The following SFMBT2 variants were observed in gnomAD, a reference collection of about 807,000 sequenced individuals.
SFMBT2 encodes Scm like with four mbt domains 2.
In SFMBT2, 38 loss-of-function variants were observed where a neutral mutation model predicts 110.1. The ratio of observed to expected loss-of-function variants is 0.35; its 90% CI spans 0.27 to 0.45. The LOEUF (loss-of-function observed/expected upper bound fraction) is 0.45. Among genes scored for constraint, SFMBT2 ranks in the 20% least tolerant of loss-of-function variants. The pLI, the probability that SFMBT2 is intolerant of heterozygous loss-of-function variation, is 1.00. For synonymous variants in SFMBT2, 425 were observed against 425.4 expected (o/e 1.00, Z 0.01); for missense variants, 1,011 against 1,094.9 (o/e 0.92, Z 1.08).
intron 1 of SFMBT2, among the ~76,000 whole-genome samples, chr10:7,395,277 T>C (rs1203820245): frequency 6.6e-6 from 1 of 151,936 alleles, no homozygotes; most frequent in African/African-American, 2.4e-5. Context: ...AGATTCCACC[T>C]TGGAGGAAAA....
At chr10:7,394,470 C>T (rs1242167098) in intron 1 of SFMBT2, among the ~76,000 whole-genome samples, 1 of 151,640 alleles carries the variant, frequency 6.6e-6, no homozygotes, top group East Asian at 1.9e-4. Context: ...TCTTCCATAT[C>T]TGTCATTATT....
At chr10:7,310,771 C>T (rs190170222) in intron 4 of SFMBT2, among the ~76,000 whole-genome samples, 5 of 152,148 alleles carry the variant, frequency 3.3e-5, no homozygotes, top group East Asian at 1.9e-4. Context: ...CAGGGCTAGA[C>T]GCGGTGGCTC....
intron 4 of SFMBT2, among the ~76,000 whole-genome samples, chr10:7,364,386 T>C (rs910603446): frequency 6.6e-6 from 1 of 152,240 alleles, no homozygotes; most frequent in African/African-American, 2.4e-5. Context: ...AGTGTGACTG[T>C]GGCAAAGTCA....
intron 7 of SFMBT2, among the ~76,000 whole-genome samples, chr10:7,256,280 A>G (rs1753825554): frequency 6.6e-6 from 1 of 152,246 alleles, no homozygotes; most frequent in Non-Finnish European, 1.5e-5. Context: ...AGGATTTTTA[A>G]AAAATCAATA....
chr10:7,316,304 G>A (rs978997320), intron 4 of SFMBT2, among the ~76,000 whole-genome samples: 13 of 152,252 alleles, frequency 8.5e-5, no homozygotes, highest in Non-Finnish European at 1.8e-4. Context: ...AAGATGCTAC[G>A]GCCAAGGGAT....
rs1312158640 is a variant in SFMBT2 at position 7,301,652 on chromosome 10, C to G, written c.437-15698G>C. Reference sequence around the variant, plus strand: ...CAGAGACTGCAATGAGAGGGAGGAGCTGCAGCTCCAAGTTGGGCCATTTAC... The same window carrying G: ...CAGAGACTGCAATGAGAGGGAGGAGGTGCAGCTCCAAGTTGGGCCATTTAC... On this transcript the variant is annotated intron_variant, in intron 4 of 20. Transcript: ENST00000397167. The surrounding 1 kb of genome is among the most constrained non-coding windows in gnomAD (Gnocchi z 4.2). 1.3e-5 allele frequency among the ~76,000 whole-genome samples: 2 copies of G among 152,152 alleles called. No individual in the cohort carries two copies. Among genetic ancestry groups the G allele is most frequent in the Non-Finnish European group, 2.9e-5 (2 of 68,022 alleles).
At chr10:7,181,812 AG>A (rs1838253099) in intron 16 of SFMBT2, among the ~76,000 whole-genome samples, 1 of 152,224 alleles carries the variant, frequency 6.6e-6, no homozygotes. Flanking sequence ...GAACATACGA[AG>A]ATACAGCCCT....
At chr10:7,210,790 G>A (rs1320438113) in intron 11 of SFMBT2, among the ~76,000 whole-genome samples, 1 of 152,224 alleles carries the variant, frequency 6.6e-6, no homozygotes, top group African/African-American at 2.4e-5. Context: ...GGTCAGCTCT[G>A]GAGCCGAAGG....
chr10:7,395,041 G>A (rs1035402561), intron 1 of SFMBT2, among the ~76,000 whole-genome samples: 9 of 152,276 alleles, frequency 5.9e-5, no homozygotes, highest in East Asian at 1.9e-4. Flanking sequence ...ACGTTGGGCC[G>A]GGCACAGTGG....
chr10:7,352,282 T>G (rs1844348673), intron 4 of SFMBT2, among the ~76,000 whole-genome samples: 3 of 152,210 alleles, frequency 2.0e-5, no homozygotes, highest in South Asian at 4.1e-4. Context: ...TGCCTGGCTC[T>G]TGGAAGTTTC....
chr10:7,223,227 T>C (rs1839802572), intron 10 of SFMBT2, among the ~76,000 whole-genome samples: 1 of 152,212 alleles, frequency 6.6e-6, no homozygotes, highest in Admixed American at 6.5e-5. Context: ...CCAAAGTTGC[T>C]ACAGCATTTT....
At chr10:7,394,042 G>A (rs74695794) in intron 1 of SFMBT2, among the ~76,000 whole-genome samples, 3,454 of 151,890 alleles carry the variant, frequency 0.023, 50 homozygotes, top group Middle Eastern at 0.048. Context: ...TCACTCTGTC[G>A]CCCAGGCTGG....
intron 11 of SFMBT2, among the ~76,000 whole-genome samples, chr10:7,215,393 C>T (rs1343859143): frequency 6.6e-6 from 1 of 152,158 alleles, no homozygotes; most frequent in Admixed American, 6.5e-5. Context: ...AGAGCAAGAC[C>T]CTGTCTCAAA....
At chr10:7,342,196 A>G (rs1843929776) in intron 4 of SFMBT2, among the ~76,000 whole-genome samples, 1 of 152,056 alleles carries the variant, frequency 6.6e-6, no homozygotes, top group Non-Finnish European at 1.5e-5. Flanking sequence ...TCCAGTATAT[A>G]TGTGTCTGTT....
At chr10:7,196,365 CT>C (rs1006602229) in intron 15 of SFMBT2, among the ~76,000 whole-genome samples, 1 of 152,258 alleles carries the variant, frequency 6.6e-6, no homozygotes, top group African/African-American at 2.4e-5. Flanking sequence ...ACTTTCCTTT[CT>C]GAAACACACC....
chr10:7,331,913 G>A (rs889532333), intron 4 of SFMBT2, among the ~76,000 whole-genome samples: 2 of 151,416 alleles, frequency 1.3e-5, no homozygotes, highest in East Asian at 3.9e-4. Flanking sequence ...AGGAGGCTGA[G>A]GCATGAGAAT....
At chr10:7,168,002 A>G (rs566770115) in intron 20 of SFMBT2, among the ~76,000 whole-genome samples, 12 of 151,604 alleles carry the variant, frequency 7.9e-5, no homozygotes, top group African/African-American at 2.9e-4. Context: ...CGGGAGGCGG[A>G]GGTTGCAGTG....
chr10:7,371,442 T>C (rs1368182172), intron 2 of SFMBT2, among the ~76,000 whole-genome samples: 1 of 152,096 alleles, frequency 6.6e-6, no homozygotes, highest in Non-Finnish European at 1.5e-5. Context: ...CATAACTATT[T>C]GAATTTCACA....
intron 7 of SFMBT2, among the ~76,000 whole-genome samples, chr10:7,262,383 T>TA (rs1841236503): frequency 6.6e-6 from 1 of 152,120 alleles, no homozygotes; most frequent in Non-Finnish European, 1.5e-5. Flanking sequence ...GCCCAAAAAA[T>TA]AAAAAATCAG....
Sources: allele counts gnomAD v4.1 joint callset (sites outside exome capture counted in the v4.1 genomes callset), GRCh38; gene constraint gnomAD v4.1.1; non-coding constraint Gnocchi (gnomAD v3.1); transcripts MANE v1.5; gene names NCBI Gene and HGNC (gene_info 2026-07-23, HGNC 2026-07-21).